The following EPHA6 variants were observed in gnomAD, a reference collection of about 807,000 sequenced individuals.
The protein encoded by EPHA6 is EPH receptor A6.
A neutral mutation model predicts 112.0 loss-of-function variants in EPHA6; 50 were observed. The observed-to-expected ratio is 0.45, with a 90% CI of 0.36 to 0.56. The LOEUF is 0.56. EPHA6 is among the 20% of genes least tolerant of loss of function. EPHA6 has a pLI of 0.00. For synonymous variants in EPHA6, 529 were observed against 490.7 expected, an observed-to-expected ratio of 1.08 and a Z score of -1.03; for missense variants, 1,280 against 1,417.4, an observed-to-expected ratio of 0.90 and a Z score of 1.56.
chr3:97,311,524 A>G (rs2081562336), intron 5 of EPHA6, among the ~76,000 whole-genome samples: 1 of 151,552 alleles, frequency 6.6e-6, no homozygotes, highest in Admixed American at 6.6e-5. Flanking sequence ...GCAGATATCA[A>G]GTTGCTCCAG....
intron 11 of EPHA6, among the ~76,000 whole-genome samples, chr3:97,563,146 C>G (rs529142014): frequency 2.1e-4 from 32 of 151,824 alleles, no homozygotes; most frequent in Non-Finnish European, 4.1e-4. Context: ...TCTTGTAATG[C>G]GTAATATAAT....
chr3:97,395,391 T>G (rs1160271606), intron 5 of EPHA6, among the ~76,000 whole-genome samples: 5 of 151,810 alleles, frequency 3.3e-5, no homozygotes, highest in African/African-American at 9.7e-5. Context: ...TCAGAAGTAT[T>G]TTGAAACATG....
intron 2 of EPHA6, among the ~76,000 whole-genome samples, chr3:96,957,933 A>G (rs1480480181): frequency 1.3e-5 from 2 of 152,176 alleles, no homozygotes; most frequent in Non-Finnish European, 2.9e-5. Flanking sequence ...GACGTAGAGA[A>G]AATGTGGTAA....
intron 6 of EPHA6, among the ~76,000 whole-genome samples, chr3:97,430,427 A>G (rs2089435536): frequency 1.3e-5 from 2 of 152,108 alleles, no homozygotes; most frequent in African/African-American, 4.8e-5. Flanking sequence ...CAAAAAATAT[A>G]AAATATCTTA....
intron 5 of EPHA6, among the ~76,000 whole-genome samples, chr3:97,257,982 G>A (rs1004050277): frequency 6.6e-6 from 1 of 151,950 alleles, no homozygotes; most frequent in Non-Finnish European, 1.5e-5. Flanking sequence ...TTTTCTCTGT[G>A]TGGTGTGTTT....
intron 4 of EPHA6, among the ~76,000 whole-genome samples, chr3:97,232,976 A>G (rs2078572898): frequency 6.6e-6 from 1 of 151,942 alleles, no homozygotes; most frequent in Non-Finnish European, 1.5e-5. Flanking sequence ...TACCGGTCAA[A>G]CTCTGCAATT....
At chr3:97,315,026 C>T (rs2081751310) in intron 5 of EPHA6, among the ~76,000 whole-genome samples, 1 of 150,638 alleles carries the variant, frequency 6.6e-6, no homozygotes, top group Non-Finnish European at 1.5e-5. Context: ...TGGTTGAACA[C>T]TTACTGTAGT....
chr3:97,656,619 A>G (rs2094139369), intron 14 of EPHA6, among the ~76,000 whole-genome samples: 1 of 151,872 alleles, frequency 6.6e-6, no homozygotes, highest in African/African-American at 2.4e-5. Context: ...CTACCTGGCT[A>G]TCCATTGATT....
chr3:97,297,208 C>T (rs111486363), intron 5 of EPHA6, among the ~76,000 whole-genome samples: 1,593 of 152,282 alleles, frequency 0.01, 31 homozygotes, highest in African/African-American at 0.035. Flanking sequence ...CGGGGAGCCA[C>T]TCCTGGCTCC....
At chr3:97,525,171 C>T (rs2092601523) in intron 10 of EPHA6, among the ~76,000 whole-genome samples, 1 of 152,036 alleles carries the variant, frequency 6.6e-6, no homozygotes. Flanking sequence ...CCTACACTTT[C>T]TTCACTCTTT....
In EPHA6 at chr3:96,905,950, CAT is replaced by C. The variant is rs765986386; in HGVS notation, c.450+39062_450+39063del. The stretch of plus-strand genomic sequence containing the variant: ...GCAGGTATATGTATGTGCATGTGCT[CAT>C]GTGTACTCATGTATATGGATTTGTA... On this transcript the variant is annotated intron_variant, in intron 2 of 17. Coordinates refer to ENST00000389672, the MANE Select transcript of EPHA6 (RefSeq NM_001080448.3). Among the ~76,000 whole-genome samples, 17 of 152,066 alleles carry C rather than the reference CAT, an allele frequency of 1.1e-4. No individual in the cohort carries two copies. In the East Asian group the frequency reaches 3.3e-3, roughly 29 times the overall value.
intron 5 of EPHA6, among the ~76,000 whole-genome samples, chr3:97,259,887 G>A (rs1429321654): frequency 1.3e-5 from 2 of 150,724 alleles, no homozygotes; most frequent in African/African-American, 4.9e-5. Context: ...TGCAACCTCT[G>A]CCTCCTGGGT....
At chr3:97,122,560 C>T (rs2108306116) in intron 3 of EPHA6, among the ~76,000 whole-genome samples, 1 of 151,946 alleles carries the variant, frequency 6.6e-6, no homozygotes, top group East Asian at 1.9e-4. Flanking sequence ...ATCTCTGGGC[C>T]AATAAAGTTC....
intron 2 of EPHA6, among the ~76,000 whole-genome samples, chr3:96,943,053 A>T (rs1184890379): frequency 1.3e-5 from 2 of 151,462 alleles, no homozygotes; most frequent in Non-Finnish European, 2.9e-5. Flanking sequence ...CTTTTATAAG[A>T]TCAACTCTTT....
chr3:97,297,686 T>C (rs1045481197), intron 5 of EPHA6, among the ~76,000 whole-genome samples: 1 of 152,228 alleles, frequency 6.6e-6, no homozygotes, highest in African/African-American at 2.4e-5. Flanking sequence ...TATCTTGACA[T>C]GGGAATGATA....
chr3:97,682,869 A>G (rs1031543273), intron 14 of EPHA6, among the ~76,000 whole-genome samples: 6 of 152,156 alleles, frequency 3.9e-5, no homozygotes, highest in African/African-American at 1.2e-4. Flanking sequence ...ATTCTCCCGT[A>G]TTAGACTACA....
chr3:97,703,551 A>G (rs1293750989), intron 14 of EPHA6, among the ~76,000 whole-genome samples: 1 of 152,210 alleles, frequency 6.6e-6, no homozygotes, highest in East Asian at 1.9e-4. Flanking sequence ...CATCATATAA[A>G]GTTTTCCAGC....
chr3:96,866,168 A>C (rs559916624), intron 1 of EPHA6, among the ~76,000 whole-genome samples: 17 of 152,208 alleles, frequency 1.1e-4, no homozygotes, highest in African/African-American at 4.1e-4. Flanking sequence ...TGTTAATATA[A>C]TCTTCACTTT....
chr3:97,635,212 A>C (rs2093935289), intron 13 of EPHA6, among the ~76,000 whole-genome samples: 1 of 152,114 alleles, frequency 6.6e-6, no homozygotes, highest in African/African-American at 2.4e-5. Flanking sequence ...TAGTCCTATA[A>C]AAGAACATAA....
Sources: gnomAD v4.1 joint callset for allele counts (sites outside exome capture counted in the v4.1 genomes callset) on GRCh38, gnomAD v4.1.1 for gene constraint, MANE v1.5 for transcripts, NCBI Gene and HGNC (gene_info 2026-07-23, HGNC 2026-07-21) for gene names.